The following ANKS1A variants were observed in gnomAD, a reference collection of about 807,000 sequenced individuals.
The protein encoded by ANKS1A is ankyrin repeat and SAM domain-containing protein 1A.
Under a neutral mutation model 120.3 loss-of-function variants are expected in ANKS1A, and 55 were observed. That is an observed-to-expected ratio of 0.46 (90% CI 0.37 to 0.57). The LOEUF is 0.57. Among genes scored for constraint, ANKS1A ranks in the 20% least tolerant of loss-of-function variants. The probability of loss-of-function intolerance (pLI) is 0.00; values close to 1 mark genes in which losing one functional copy is unlikely to be tolerated. For missense variants in ANKS1A, 1,123 were observed against 1,480.3 expected, an observed-to-expected ratio of 0.76 and a Z score of 3.96; for synonymous variants, 590 against 604.7, an observed-to-expected ratio of 0.98 and a Z score of 0.36.
chr6:35,085,777 C>T lies in ANKS1A; in HGVS notation c.3144C>T (p.Tyr1048=), dbSNP rs149364285. The T allele has an allele frequency of 9.4e-6, 15 of 1,592,856 alleles. No homozygotes were observed. The African/African-American group carries it at 1.5e-4, about 16-fold the overall frequency. The change falls in exon 22 of 24, where the codon TAC becomes TAT. Residue 1048 remains tyrosine (Y), a synonymous_variant. Transcript: ENST00000360359. This position sits in a 1 kb window ranked among gnomAD's most constrained non-coding sequence, Gnocchi z 4.7. ...CTGCTTCCTCCCAGAACCTGACCTA[C>T]GAGATCATCCTGACGCTGGGGCAGG... ...VFSTVDVNLT[Y]EIILTLGQAF...
intron 10 of ANKS1A, among the ~76,000 whole-genome samples, chr6:35,013,973 G>GCATGCATTACATGCT (rs1773888786): frequency 2.0e-5 from 3 of 152,180 alleles, no homozygotes; most frequent in Non-Finnish European, 4.4e-5. Context: ...GCTAGACACG[G>GCATGCATTACATGCT]TTCTTAATGC....
At chr6:34,942,352 C>T (rs1314992547) in intron 1 of ANKS1A, among the ~76,000 whole-genome samples, 1 of 152,164 alleles carries the variant, frequency 6.6e-6, no homozygotes, top group Non-Finnish European at 1.5e-5. Context: ...CACAAGTAGC[C>T]AGAGCTTCAG....
In ANKS1A at chr6:35,085,151, G is replaced by C. The variant is rs1020900853; in HGVS notation, c.3133-615G>C. The stretch of plus-strand genomic sequence containing the variant: ...GCTGCTTGCTGGCTGTGTGAGCTTG[G>C]AAACATCGCATCTGCCTGCTTCCTC... On this transcript the variant is annotated intron_variant, in intron 21 of 23. Coordinates refer to ENST00000360359, the MANE Select transcript of ANKS1A (RefSeq NM_015245.3). This position sits in a 1 kb window ranked among gnomAD's most constrained non-coding sequence, Gnocchi z 4.7. Among the ~76,000 whole-genome samples, 1 of 152,186 alleles carries C rather than the reference G, an allele frequency of 6.6e-6. No individual in the cohort carries two copies. The highest frequency in any genetic ancestry group is 1.5e-5 in the Non-Finnish European group (1 of 68,032).
At chr6:34,975,820 A>G (rs1771545832) in intron 3 of ANKS1A, among the ~76,000 whole-genome samples, 1 of 152,014 alleles carries the variant, frequency 6.6e-6, no homozygotes, top group Admixed American at 6.5e-5. Context: ...TGAGAATGCA[A>G]ACCCTTCTTG....
At chr6:34,907,103 A>G (rs866103979) in intron 1 of ANKS1A, among the ~76,000 whole-genome samples, 23 of 152,342 alleles carry the variant, frequency 1.5e-4, no homozygotes, top group Non-Finnish European at 2.4e-4. Flanking sequence ...ATTGAAGAAC[A>G]TTCTACAAAA....
intron 10 of ANKS1A, among the ~76,000 whole-genome samples, chr6:35,006,013 C>G (rs1359135649): frequency 6.6e-6 from 1 of 152,016 alleles, no homozygotes; most frequent in Non-Finnish European, 1.5e-5. Flanking sequence ...ATGGTGAAAC[C>G]CTGTCTCTAC....
At chr6:34,949,716 G>A (rs1305687157) in intron 1 of ANKS1A, among the ~76,000 whole-genome samples, 1 of 152,148 alleles carries the variant, frequency 6.6e-6, no homozygotes. Flanking sequence ...GGTACAATTC[G>A]TACAATGTCT....
intron 1 of ANKS1A, among the ~76,000 whole-genome samples, chr6:34,896,979 A>AT (rs1767122652): frequency 1.3e-5 from 2 of 152,138 alleles, no homozygotes; most frequent in South Asian, 4.1e-4. Flanking sequence ...AAAAATAAAA[A>AT]TAAAAAATTA....
intron 12 of ANKS1A, among the ~76,000 whole-genome samples, chr6:35,055,450 C>T (rs1776177218): frequency 6.6e-6 from 1 of 152,106 alleles, no homozygotes; most frequent in African/African-American, 2.4e-5. Context: ...CTGCCTCAGC[C>T]TCCTGAGTAG....
chr6:35,054,191 C>T, intron 12 of ANKS1A, 26 bp downstream of exon 12: 1 of 1,609,850 alleles, frequency 6.2e-7, no homozygotes. Flanking sequence ...GCCATTTTCC[C>T]CACAGAAACT....
intron 1 of ANKS1A, among the ~76,000 whole-genome samples, chr6:34,955,570 C>A (rs1388421905): frequency 6.6e-6 from 1 of 152,090 alleles, no homozygotes; most frequent in African/African-American, 2.4e-5. Context: ...TGCAGATGCC[C>A]CCCTGGATTC....
chr6:34,993,972 T>G (rs1237856414), intron 9 of ANKS1A, among the ~76,000 whole-genome samples: 1 of 152,138 alleles, frequency 6.6e-6, no homozygotes, highest in East Asian at 1.9e-4. Context: ...TTTGTTTTTT[T>G]GTTTTTGTTT....
rs1778017176 is a variant in ANKS1A, at chr6:35,086,842, G to A, written c.3304-110G>A. Reference sequence around the variant, plus strand: ...TCTTTGGCCGAGGAGAATAAGGGCTGCCCCTCCCAGCACAGGGGCCACAGC... The same window carrying A: ...TCTTTGGCCGAGGAGAATAAGGGCTACCCCTCCCAGCACAGGGGCCACAGC... On this transcript the variant is annotated intron_variant, in intron 22 of 23. Transcript: ENST00000360359. This position sits in a 1 kb window ranked among gnomAD's most constrained non-coding sequence, Gnocchi z 5.1. The A allele has an allele frequency of 2.7e-5, 30 of 1,091,520 alleles. No homozygotes were observed. Among genetic ancestry groups the A allele is most frequent in the Non-Finnish European group, 4.2e-5 (30 of 714,314 alleles). 67.6% of individuals were successfully genotyped at this position (1,091,520 alleles called of 1,614,324 possible). A position where few individuals can be genotyped will look rare whatever the true frequency, so the allele number is the denominator to read the frequency against.
chr6:35,024,076 C>G (rs1016897868), intron 11 of ANKS1A, among the ~76,000 whole-genome samples: 5 of 151,976 alleles, frequency 3.3e-5, no homozygotes, highest in Middle Eastern at 3.2e-3. Flanking sequence ...ATTAAAAATC[C>G]AAAACTTTAA....
intron 1 of ANKS1A, among the ~76,000 whole-genome samples, chr6:34,914,074 C>T (rs1313239807): frequency 3.9e-5 from 6 of 152,118 alleles, no homozygotes; most frequent in Non-Finnish European, 7.4e-5. Flanking sequence ...CCTGCCACCA[C>T]GCCCAGCTAA....
chr6:34,986,317 AC>A (rs1285636561), intron 8 of ANKS1A, among the ~76,000 whole-genome samples: 1 of 152,108 alleles, frequency 6.6e-6, no homozygotes, highest in Admixed American at 6.5e-5. Flanking sequence ...AAGATAACTT[AC>A]CCCTGGCTTC....
intron 13 of ANKS1A, among the ~76,000 whole-genome samples, chr6:35,071,345 T>C (rs1434912250): frequency 1.3e-5 from 2 of 152,140 alleles, no homozygotes; most frequent in Admixed American, 6.5e-5. Context: ...AGAAATATAT[T>C]TGGGGGTAAA....
rs2127620452 is a variant in ANKS1A at position 35,090,102 on chromosome 6, G to A, written c.*1493G>A. On this transcript the variant is annotated 3_prime_UTR_variant, in exon 24 of 24. Coordinates refer to ENST00000360359, the MANE Select transcript of ANKS1A (RefSeq NM_015245.3). ...GGCCTTGTGGGTTTCTATCTGCTAA[G>A]CACCCAGCAGGTTGGGGCCTGGGAC... is the stretch of plus-strand genomic sequence containing the variant. 1 of 1,288,854 alleles carries A rather than the reference G, an allele frequency of 7.8e-7. No homozygotes were observed. 79.8% of individuals were successfully genotyped at this position (1,288,854 alleles called of 1,614,324 possible).
intron 10 of ANKS1A, among the ~76,000 whole-genome samples, chr6:34,997,668 T>C (rs560073881): frequency 2.0e-5 from 3 of 152,338 alleles, no homozygotes; most frequent in South Asian, 2.1e-4. Flanking sequence ...TTTAGCATCA[T>C]GGAGGAGGGA....
Sources: gnomAD v4.1 joint callset for allele counts (sites outside exome capture counted in the v4.1 genomes callset) on GRCh38, gnomAD v4.1.1 for gene constraint, Gnocchi (gnomAD v3.1) non-coding constraint, MANE v1.5 for transcripts, NCBI Gene and HGNC (gene_info 2026-07-23, HGNC 2026-07-21) for gene names.